Variants in CDC20B observed in about 807,000 individuals in gnomAD.
CDC20B encodes the protein cell division cycle 20B.
A neutral mutation model predicts 64.1 loss-of-function variants in CDC20B; 58 were observed. The ratio of observed to expected loss-of-function variants is 0.90; its 90% confidence interval spans 0.73 to 1.13. The LOEUF is 1.13. Ranked by LOEUF, CDC20B falls within the 50% of genes most tolerant of loss-of-function variation. The pLI, the probability that CDC20B is intolerant of heterozygous loss-of-function variation, is 0.00. For synonymous variants in CDC20B, 243 were observed against 230.6 expected (o/e 1.05, Z -0.49); for missense variants, 597 against 633.0 (o/e 0.94, Z 0.61).
intron 5 of CDC20B, chr5:55,137,283 C>T (rs1343768967): frequency 3.5e-6 from 1 of 286,304 alleles, no homozygotes; most frequent in East Asian, 7.8e-5. Context: ...TGCATGGCTA[C>T]AGAGCTTCCC....
intron 4 of CDC20B, among the ~76,000 whole-genome samples, chr5:55,141,751 C>A (rs940698288): frequency 2.0e-5 from 3 of 152,082 alleles, no homozygotes; most frequent in Non-Finnish European, 4.4e-5. Context: ...TTTAGTTATT[C>A]AAGGTAGAAC....
chr5:55,161,082 C>T (rs182510529), intron 2 of CDC20B: 2 of 1,614,162 alleles, frequency 1.2e-6, no homozygotes, highest in Non-Finnish European at 1.7e-6. Context: ...GAGTTTGGAC[C>T]ATCCCACTTC....
chr5:55,165,793 A>C (rs899743054), intron 2 of CDC20B: 5 of 152,266 alleles, frequency 3.3e-5, no homozygotes, highest in Non-Finnish European at 5.9e-5. Context: ...AAGTCACTTA[A>C]GTACCTTATT....
At position 55,114,312 on chromosome 5, in the gene CDC20B, C is replaced by A; in HGVS notation, c.1466G>T (p.Arg489Met). ...CAAAGACAGGTGCAGCACTCTGCCC[C>A]TGTGGCCTGGGGGAAGAAGGAAAGA... ...VSRSGGFFGHRGRVLHLSLSP... is the reference protein window; with the variant it reads ...VSRSGGFFGHMGRVLHLSLSP... Residue 489 changes from arginine to methionine, a missense_variant, in exon 12 of 12, where the codon AGG becomes ATG. Physicochemically the swap from Arg to Met is moderately conservative, Grantham distance 91. This residue lies in a region of CDC20B where 353 missense variants were observed against 397.0 expected (regional missense o/e 0.89). Transcript: ENST00000381375. This position sits in a 1 kb window ranked among gnomAD's most constrained non-coding sequence, Gnocchi z 4.1. 4 of 1,613,636 alleles carry A rather than the reference C, an allele frequency of 2.5e-6. No homozygotes were observed. Among genetic ancestry groups the A allele is most frequent in the Non-Finnish European group, 3.4e-6 (4 of 1,179,694 alleles).
chr5:55,121,240 C>A lies in CDC20B; in HGVS notation c.1216-690G>T, dbSNP rs572040136. Among the ~76,000 whole-genome samples, 268 of 152,148 alleles carry A rather than the reference C, an allele frequency of 1.8e-3. 1 individual carries two copies. The highest frequency in any genetic ancestry group is 2.7e-3 in the Non-Finnish European group (182 of 68,012). On this transcript the variant is annotated intron_variant, in intron 9 of 11. Coordinates refer to ENST00000381375, the MANE Select transcript of CDC20B (RefSeq NM_001170402.1). ...TTGGTAACTACCCTCATTTTTGCAT[C>A]CTCTCTTCTACACATAAAAATATTT...
At chr5:55,160,783 A>G in intron 2 of CDC20B, 1 of 524,308 alleles carries the variant, frequency 1.9e-6, no homozygotes, top group Non-Finnish European at 3.3e-6. Context: ...ATGAGTATCT[A>G]ATGCTTTTTT....
At chr5:55,153,954 C>T (rs555467013) in intron 2 of CDC20B, among the ~76,000 whole-genome samples, 118 of 152,206 alleles carry the variant, frequency 7.8e-4, no homozygotes, top group Middle Eastern at 6.8e-3. Context: ...AAAATCAGTA[C>T]GATTTTAGGT....
At chr5:55,159,805 G>A (rs73118145) in intron 2 of CDC20B, among the ~76,000 whole-genome samples, 2,962 of 152,146 alleles carry the variant, frequency 0.019, 95 homozygotes, top group African/African-American at 0.068. Flanking sequence ...GCTGAGCATC[G>A]TACTCCATCC....
intron 2 of CDC20B, chr5:55,165,545 T>G (rs577273036): frequency 6.6e-6 from 1 of 152,346 alleles, no homozygotes; most frequent in African/African-American, 2.4e-5. Flanking sequence ...CCTCAGTATA[T>G]AGTTCTGTAT....
At chr5:55,151,508 T>G (rs1743667390) in intron 2 of CDC20B, among the ~76,000 whole-genome samples, 1 of 152,226 alleles carries the variant, frequency 6.6e-6, no homozygotes, top group Admixed American at 6.5e-5. Flanking sequence ...CCAAAGAAAT[T>G]CTAAACTTTA....
chr5:55,126,087 G>T (rs1233101068), intron 8 of CDC20B, among the ~76,000 whole-genome samples: 1 of 152,172 alleles, frequency 6.6e-6, no homozygotes, highest in African/African-American at 2.4e-5. Flanking sequence ...TAACAATGCA[G>T]ATTAGAAAAG....
intron 3 of CDC20B, among the ~76,000 whole-genome samples, chr5:55,145,279 G>A (rs892766995): frequency 6.6e-6 from 1 of 152,156 alleles, no homozygotes; most frequent in African/African-American, 2.4e-5. Flanking sequence ...ATTAAAGCCT[G>A]TCGTTACATG....
chr5:55,140,390 G>C lies in CDC20B; in HGVS notation c.504C>G (p.Leu168=). 1.2e-6 allele frequency: 2 copies of C among 1,612,552 alleles called. No homozygotes were observed. Among genetic ancestry groups the C allele is most frequent in the Non-Finnish European group, 1.7e-6 (2 of 1,179,264 alleles). Residue 168 remains leucine, a synonymous_variant, in exon 5 of 12, where the codon CTC becomes CTG. Coordinates refer to ENST00000381375, the MANE Select transcript of CDC20B (RefSeq NM_001170402.1). The part of the protein sequence containing the change: ...ASKGQKCLKQ[L]FVTQNVVQQA... ...GCTGAACCACGTTCTGGGTTACAAA[G>C]AGTTGTTTTAGGCATTTCTGAAAAT...
intron 5 of CDC20B, among the ~76,000 whole-genome samples, chr5:55,134,068 T>A (rs1465112313): frequency 2.6e-5 from 4 of 152,204 alleles, no homozygotes; most frequent in Admixed American, 2.6e-4. Flanking sequence ...TTTTTTCAGA[T>A]TGTCTGCTTT....
chr5:55,128,916 C>A (rs753261283), intron 6 of CDC20B, among the ~76,000 whole-genome samples: 1 of 152,128 alleles, frequency 6.6e-6, no homozygotes, highest in Admixed American at 6.5e-5. Flanking sequence ...ATGTAGACTT[C>A]GTTTAACGGA....
At chr5:55,146,324 G>T (rs1743473059) in intron 3 of CDC20B, among the ~76,000 whole-genome samples, 1 of 152,128 alleles carries the variant, frequency 6.6e-6, no homozygotes, top group South Asian at 2.1e-4. Context: ...CATAAATGCT[G>T]CCCGCCCCCA....
chr5:55,140,805 A>C (rs1028657965), intron 4 of CDC20B, among the ~76,000 whole-genome samples: 1 of 152,176 alleles, frequency 6.6e-6, no homozygotes, highest in Non-Finnish European at 1.5e-5. Context: ...GCTCTTAAGT[A>C]ACTTTACTAA....
chr5:55,157,818 C>T (rs1208650210), intron 2 of CDC20B, among the ~76,000 whole-genome samples: 1 of 152,204 alleles, frequency 6.6e-6, no homozygotes, highest in African/African-American at 2.4e-5. Context: ...CCTGCCTAAG[C>T]GGTGGTCAGT....
At chr5:55,169,884 C>T (rs1348728636) in intron 2 of CDC20B, among the ~76,000 whole-genome samples, 1 of 152,080 alleles carries the variant, frequency 6.6e-6, no homozygotes, top group Non-Finnish European at 1.5e-5. Flanking sequence ...GAGGCCGAGG[C>T]GGGTGGATCA....
Sources: gnomAD v4.1 joint callset for allele counts (sites outside exome capture counted in the v4.1 genomes callset) on GRCh38, gnomAD v4.1.1 for gene constraint, gnomAD v4.1.1 regional missense constraint, Gnocchi (gnomAD v3.1) non-coding constraint, MANE v1.5 for transcripts, NCBI Gene and HGNC (gene_info 2026-07-23, HGNC 2026-07-21) for gene names.